MAP3K2: variants seen among roughly 807,000 people sequenced by gnomAD.
MAP3K2 encodes the protein mitogen-activated protein kinase kinase kinase 2.
In MAP3K2, 24 loss-of-function variants were observed where a neutral mutation model predicts 80.3. The observed-to-expected ratio is 0.30, with a 90% CI of 0.22 to 0.42. The LOEUF (loss-of-function observed/expected upper bound fraction) is 0.42, where lower values mean the gene tolerates loss of function less well. Among genes scored for constraint, MAP3K2 ranks in the 10% least tolerant of loss-of-function variants. The pLI is 1.00. For missense variants in MAP3K2, 608 were observed against 750.1 expected, an observed-to-expected ratio of 0.81 and a Z score of 2.21; for synonymous variants, 244 against 253.7, an observed-to-expected ratio of 0.96 and a Z score of 0.36.
intron 1 of MAP3K2, among the ~76,000 whole-genome samples, chr2:127,352,355 C>A (rs1686705959): frequency 6.6e-6 from 1 of 152,170 alleles, no homozygotes. Context: ...ATTACAGCTT[C>A]CATGGCAATG....
intron 12 of MAP3K2, among the ~76,000 whole-genome samples, chr2:127,320,435 G>T (rs559636270): frequency 2.6e-5 from 4 of 152,174 alleles, no homozygotes; most frequent in African/African-American, 9.6e-5. Flanking sequence ...GGGGGAGAGA[G>T]GGAGACAGGG....
chr2:127,358,359 A>G (rs946209627), intron 1 of MAP3K2, among the ~76,000 whole-genome samples: 2 of 152,230 alleles, frequency 1.3e-5, no homozygotes, highest in Non-Finnish European at 2.9e-5. Flanking sequence ...ACCGCTTTGG[A>G]AAACAGTTTG....
chr2:127,332,552 C>A (rs1174814409), intron 5 of MAP3K2, among the ~76,000 whole-genome samples: 2 of 152,336 alleles, frequency 1.3e-5, no homozygotes, highest in East Asian at 3.9e-4. Context: ...TTACCTATTA[C>A]AAACCGTAAA....
chr2:127,343,489 T>G (rs1190736304), intron 1 of MAP3K2, among the ~76,000 whole-genome samples: 3 of 152,152 alleles, frequency 2.0e-5, no homozygotes, highest in Non-Finnish European at 4.4e-5. Context: ...ATCCAAGTTC[T>G]CAGGTGTCAG....
At chr2:127,314,199 G>T (rs1685857163) in intron 15 of MAP3K2, among the ~76,000 whole-genome samples, 2 of 152,136 alleles carry the variant, frequency 1.3e-5, no homozygotes, top group Non-Finnish European at 1.5e-5. Context: ...CATAGTTGGG[G>T]TTCATCAAAG....
intron 1 of MAP3K2, among the ~76,000 whole-genome samples, chr2:127,376,604 A>G (rs2104896341): frequency 6.6e-6 from 1 of 152,310 alleles, no homozygotes; most frequent in East Asian, 1.9e-4. Context: ...GTGAGGTCCC[A>G]AAGTGGGACC....
chr2:127,336,741 T>G (rs1686379750), intron 4 of MAP3K2, among the ~76,000 whole-genome samples: 1 of 152,264 alleles, frequency 6.6e-6, no homozygotes. Flanking sequence ...GTTTTAAATA[T>G]TTCTATGTAG....
chr2:127,307,589 T>G lies in MAP3K2; in HGVS notation c.1850A>C (p.His617Pro). The G allele has an allele frequency of 1.3e-6, 2 of 1,564,650 alleles. No homozygotes were observed. The highest frequency in any genetic ancestry group is 1.7e-6 in the Non-Finnish European group (2 of 1,153,966). Residue 617 changes from histidine to proline, a missense_variant, in exon 17 of 17, where the codon CAT becomes CCT. This residue lies in a region of MAP3K2 where 42 missense variants were observed against 53.7 expected (regional missense o/e 0.78). Transcript: ENST00000682094. This position sits in a 1 kb window ranked among gnomAD's most constrained non-coding sequence, Gnocchi z 5.4. ...AGAGGTTACTGGCTGCTAGTGATAA[T>G]GCACAAACATGTGCCTTAAGAGTTC... is the stretch of plus-strand genomic sequence containing the variant. Reference protein sequence around the residue: ...ADELLRHMFVHYH With the variant: ...ADELLRHMFVPYH
intron 1 of MAP3K2, among the ~76,000 whole-genome samples, chr2:127,354,396 T>C (rs1686762447): frequency 6.6e-6 from 1 of 152,086 alleles, no homozygotes; most frequent in Non-Finnish European, 1.5e-5. Flanking sequence ...CTTCCTGATT[T>C]AGTGAGATAC....
intron 1 of MAP3K2, among the ~76,000 whole-genome samples, chr2:127,358,025 AT>A (rs1392637729): frequency 6.6e-6 from 1 of 152,242 alleles, no homozygotes; most frequent in Non-Finnish European, 1.5e-5. Flanking sequence ...CATTAAAAAA[AT>A]AAAAACACAA....
In MAP3K2 at chr2:127,317,673, G is replaced by A. The variant is rs1685933359; in HGVS notation, c.1282C>T (p.Pro428Ser). ...IVQYYGCLRD[P>S]QEKTLSIFME... Reference sequence around the variant, plus strand: ...AATATGGAAAGTGTTTTTTCCTGGGGATCCCTCAAACAGCCATAATACTGA... The same window carrying A: ...AATATGGAAAGTGTTTTTTCCTGGGAATCCCTCAAACAGCCATAATACTGA... The change falls in exon 14 of 17, where the codon CCC becomes TCC. Residue 428 changes from proline (P) to serine (S), a missense_variant. Pro to Ser is a moderately conservative substitution (Grantham distance 74). Coordinates refer to ENST00000682094, the MANE Select transcript of MAP3K2 (RefSeq NM_001371910.2). 1.9e-6 allele frequency: 3 copies of A among 1,588,350 alleles called. No homozygotes were observed. The highest frequency in any genetic ancestry group is 1.1e-5 in the South Asian group (1 of 87,196).
intron 5 of MAP3K2, among the ~76,000 whole-genome samples, chr2:127,333,697 C>CA (rs1686308301): frequency 1.3e-5 from 2 of 152,038 alleles, no homozygotes; most frequent in Admixed American, 1.3e-4. Flanking sequence ...AAGAGGCCAC[C>CA]AAAATATAAT....
rs1685869303 is a variant in MAP3K2 at position 127,314,780 on chromosome 2, T to C, written c.1430A>G (p.Asn477Ser). 6.2e-7 allele frequency: 1 copy of C among 1,610,182 alleles called. No individual in the cohort carries two copies. Among genetic ancestry groups the C allele is most frequent in the South Asian group, 1.1e-5 (1 of 90,968 alleles). ...ILEGVHYLHS[N>S]MIVHRDIKGA... ...TTTGATATCTCTATGGACAATCATA[T>C]TACTGTGCAAATAATGGACACCCTC... The change falls in exon 15 of 17, where the codon AAT (asparagine) becomes AGT (serine). Residue 477 changes from asparagine to serine, a missense_variant. Asn to Ser is a conservative substitution (Grantham distance 46). Around this residue, in one of 4 missense-constraint regions of MAP3K2, gnomAD observed 88 missense variants for 132.4 expected, o/e 0.66. Coordinates refer to ENST00000682094, the MANE Select transcript of MAP3K2 (RefSeq NM_001371910.2).
At chr2:127,387,237 T>C (rs1351166853) in intron 1 of MAP3K2, among the ~76,000 whole-genome samples, 1 of 152,078 alleles carries the variant, frequency 6.6e-6, no homozygotes, top group African/African-American at 2.4e-5. Context: ...AGCAGCCTAC[T>C]TCGCGCTGAC....
chr2:127,341,636 C>T (rs1686492925), intron 2 of MAP3K2, among the ~76,000 whole-genome samples: 2 of 150,314 alleles, frequency 1.3e-5, no homozygotes, highest in African/African-American at 4.9e-5. Flanking sequence ...GGGTTCACGC[C>T]ATTCTCCTGG....
intron 4 of MAP3K2, among the ~76,000 whole-genome samples, chr2:127,336,830 A>G (rs778942325): frequency 6.6e-6 from 1 of 152,206 alleles, no homozygotes; most frequent in Non-Finnish European, 1.5e-5. Flanking sequence ...TTCATGAGAC[A>G]CTAATAGCAG....
intron 6 of MAP3K2, 89 bp from the exon 7 acceptor site, chr2:127,330,097 T>C (rs996459109): frequency 2.0e-5 from 15 of 758,928 alleles, no homozygotes; most frequent in Non-Finnish European, 2.7e-5. Flanking sequence ...AAACATTTTA[T>C]ATTGTTTGTG....
At chr2:127,353,461 A>G (rs1450594463) in intron 1 of MAP3K2, among the ~76,000 whole-genome samples, 10 of 148,038 alleles carry the variant, frequency 6.8e-5, no homozygotes, top group Non-Finnish European at 3.0e-5. Flanking sequence ...CCCTCCGCCC[A>G]GCAGCCGTCC....
intron 1 of MAP3K2, among the ~76,000 whole-genome samples, chr2:127,368,481 G>C (rs1011145517): frequency 1.3e-5 from 2 of 151,960 alleles, no homozygotes; most frequent in African/African-American, 4.8e-5. Context: ...AATTAGCCGG[G>C]TGTGGTGGCA....
Sources: allele counts gnomAD v4.1 joint callset (sites outside exome capture counted in the v4.1 genomes callset), GRCh38; gene constraint gnomAD v4.1.1; regional missense constraint gnomAD v4.1.1; non-coding constraint Gnocchi (gnomAD v3.1); transcripts MANE v1.5; gene names NCBI Gene and HGNC (gene_info 2026-07-23, HGNC 2026-07-21).